Variants in LARGE1 observed in about 807,000 individuals in gnomAD.
The protein encoded by LARGE1 is LARGE xylosyl- and glucuronyltransferase 1.
LARGE1 carries 43 observed loss-of-function variants against 87.6 expected under a neutral mutation model. The observed-to-expected ratio is 0.49, with a 90% CI of 0.38 to 0.63. LARGE1 has a LOEUF of 0.63. LARGE1 is among the 30% of genes least tolerant of loss of function. The pLI is 0.00. For synonymous variants in LARGE1, 434 were observed against 394.6 expected, an observed-to-expected ratio of 1.10 and a Z score of -1.18; for missense variants, 802 against 1,000.2, an observed-to-expected ratio of 0.80 and a Z score of 2.67.
At chr22:33,721,679 G>A (rs192482585) in intron 2 of LARGE1, among the ~76,000 whole-genome samples, 2 of 152,238 alleles carry the variant, frequency 1.3e-5, no homozygotes, top group East Asian at 3.9e-4. Context: ...TGCATGTGCG[G>A]CTCCTTAAAA....
chr22:33,551,918 C>T (rs1025088978), intron 6 of LARGE1, among the ~76,000 whole-genome samples: 11 of 139,344 alleles, frequency 7.9e-5, no homozygotes, highest in African/African-American at 2.2e-4. Flanking sequence ...GGTGTGAACC[C>T]GGGAGGCGGA....
intron 9 of LARGE1, among the ~76,000 whole-genome samples, chr22:33,347,449 A>G (rs1939890956): frequency 6.6e-6 from 1 of 152,254 alleles, no homozygotes; most frequent in Non-Finnish European, 1.5e-5. Flanking sequence ...TTGTCTGTCT[A>G]CAGTAAATCA....
rs898403206 is a variant in LARGE1 at position 33,550,454 on chromosome 22, C to T, written c.787+14394G>A. Among the ~76,000 whole-genome samples the T allele has an allele frequency of 4.6e-5, 7 of 152,230 alleles. No individual in the cohort carries two copies. In the South Asian group the frequency reaches 1.5e-3, roughly 32 times the overall value. On this transcript the variant is annotated intron_variant, in intron 6 of 14. Transcript: ENST00000397394. ...TAGAGGGAAGAGGCTAGGGATACTG[C>T]TGAACATCCCACAGTGTGAAAGACA...
intron 2 of LARGE1, chr22:33,725,699 A>C (rs934426056): frequency 1.3e-5 from 2 of 152,212 alleles, no homozygotes; most frequent in African/African-American, 4.8e-5. Flanking sequence ...GAAAGCAAGA[A>C]CATCAGGCTT....
chr22:33,368,181 T>C (rs9621686), intron 9 of LARGE1, among the ~76,000 whole-genome samples: 24,817 of 152,114 alleles, frequency 0.16, 4,584 homozygotes, highest in African/African-American at 0.46. Context: ...GTTAACTGTG[T>C]AGTTTAAATC....
intron 2 of LARGE1, among the ~76,000 whole-genome samples, chr22:33,692,018 C>G (rs769140601): frequency 6.6e-6 from 1 of 152,062 alleles, no homozygotes; most frequent in Non-Finnish European, 1.5e-5. Context: ...AAGGCTACCA[C>G]GGAACCAATC....
chr22:33,078,227 A>C, the LARGE1 span, among the ~76,000 whole-genome samples: 1 of 152,210 alleles, frequency 6.6e-6, no homozygotes, highest in Admixed American at 6.5e-5. Flanking sequence ...AGCTTTACAG[A>C]TAATTTGGTT....
chr22:33,552,385 T>A (rs1392775193), intron 6 of LARGE1, among the ~76,000 whole-genome samples: 1 of 152,050 alleles, frequency 6.6e-6, no homozygotes, highest in East Asian at 1.9e-4. Context: ...AAACAGACAG[T>A]CAGTCTCCAC....
At chr22:33,269,979 T>C (rs1268054544), downstream of LARGE1, among the ~76,000 whole-genome samples, 6 of 145,878 alleles carry the variant, frequency 4.1e-5, no homozygotes, top group Non-Finnish European at 8.9e-5. Context: ...CACTCCAGCC[T>C]GGGTGACAGA....
At chr22:33,531,468 T>C (rs528547293) in intron 6 of LARGE1, among the ~76,000 whole-genome samples, 142 of 152,322 alleles carry the variant, frequency 9.3e-4, no homozygotes, top group African/African-American at 3.4e-3. Flanking sequence ...AGCATTCTTT[T>C]GAATTATATC....
At chr22:33,536,178 G>A (rs2077037591) in intron 6 of LARGE1, among the ~76,000 whole-genome samples, 1 of 152,126 alleles carries the variant, frequency 6.6e-6, no homozygotes, top group South Asian at 2.1e-4. Flanking sequence ...CAAATTAATG[G>A]TAGAGACGAG....
At chr22:33,425,572 G>A (rs1345224931) in intron 7 of LARGE1, among the ~76,000 whole-genome samples, 1 of 152,166 alleles carries the variant, frequency 6.6e-6, no homozygotes, top group African/African-American at 2.4e-5. Flanking sequence ...CATTTCTATT[G>A]AGCACGATGT....
chr22:33,334,847 C>T (rs8140860), intron 10 of LARGE1, among the ~76,000 whole-genome samples: 73,215 of 152,136 alleles, frequency 0.48, 20,041 homozygotes, highest in African/African-American at 0.76. Context: ...GTGAGCTACA[C>T]GGCTCCTGGC....
chr22:33,256,871 T>C (rs923079335), intron 11 of LARGE1, among the ~76,000 whole-genome samples: 3 of 152,186 alleles, frequency 2.0e-5, no homozygotes, highest in Non-Finnish European at 4.4e-5. Flanking sequence ...AATTCAAATT[T>C]CTGGGTTTAC....
the LARGE1 span, among the ~76,000 whole-genome samples, chr22:33,116,522 T>C: frequency 1.3e-5 from 2 of 149,630 alleles, no homozygotes; most frequent in South Asian, 2.1e-4. Flanking sequence ...GCCCAGCTAA[T>C]TTTTTGTATT....
intron 6 of LARGE1, among the ~76,000 whole-genome samples, chr22:33,502,920 C>A (rs62225321): frequency 0.31 from 47,559 of 151,966 alleles, 8,141 homozygotes; most frequent in Non-Finnish European, 0.39. Context: ...TCGTACCAGG[C>A]TTTTACACAT....
intron 5 of LARGE1, among the ~76,000 whole-genome samples, chr22:33,575,141 G>C (rs150227817): frequency 6.6e-6 from 1 of 152,242 alleles, no homozygotes; most frequent in East Asian, 1.9e-4. Context: ...AGTCTCCATA[G>C]ATTACCCTCT....
the LARGE1 span, among the ~76,000 whole-genome samples, chr22:33,120,305 C>T: frequency 1.3e-5 from 2 of 151,900 alleles, no homozygotes; most frequent in African/African-American, 2.4e-5. Context: ...GCTGGATAAC[C>T]ACATCATAAA....
chr22:33,888,380 T>C (rs2064915521), intron 1 of LARGE1, among the ~76,000 whole-genome samples: 1 of 152,208 alleles, frequency 6.6e-6, no homozygotes, highest in Non-Finnish European at 1.5e-5. Context: ...AATGACCTCA[T>C]GAAAATCCCT....
Sources: allele counts gnomAD v4.1 joint callset (sites outside exome capture counted in the v4.1 genomes callset), GRCh38; gene constraint gnomAD v4.1.1; transcripts MANE v1.5; gene names NCBI Gene and HGNC (gene_info 2026-07-23, HGNC 2026-07-21).